Variants in PHGDH observed in about 807,000 individuals in gnomAD.
PHGDH encodes phosphoglycerate dehydrogenase.
Under a neutral mutation model 52.6 loss-of-function variants are expected in PHGDH, and 50 were observed. The ratio of observed to expected loss-of-function variants is 0.95; its 90% CI spans 0.76 to 1.20. The LOEUF (loss-of-function observed/expected upper bound fraction) is 1.20. PHGDH is among the 50% of genes most tolerant of loss of function. The probability of loss-of-function intolerance (pLI) is 0.00; values close to 1 mark genes in which losing one functional copy is unlikely to be tolerated. For synonymous variants in PHGDH, 271 were observed against 280.5 expected (o/e 0.97, Z 0.34); for missense variants, 630 against 684.6 (o/e 0.92, Z 0.89).
intron 3 of PHGDH, among the ~76,000 whole-genome samples, chr1:119,726,177 A>AGTGT (rs1651401360): frequency 8.9e-6 from 1 of 112,302 alleles, no homozygotes; most frequent in Non-Finnish European, 1.8e-5. Context: ...CAGGCTGTGA[A>AGTGT]GAGTGTGTGT....
chr1:119,741,787 G>A lies in PHGDH; in HGVS notation c.1099G>A (p.Gly367Arg), dbSNP rs2101220799. ...CCCAGGAACATCCCTGAAGAATGCTGGGAACTGCCTAAGCCCCGCAGTCAT... is the reference window on the plus strand; with the variant it reads ...CCCAGGAACATCCCTGAAGAATGCTAGGAACTGCCTAAGCCCCGCAGTCAT... Reference protein sequence around the residue: ...ITQGTSLKNAGNCLSPAVIVG... With the variant: ...ITQGTSLKNARNCLSPAVIVG... Residue 367 changes from glycine (G) to arginine (R), a missense_variant, in exon 10 of 12, where the codon GGG (glycine) becomes AGG (arginine). Coordinates refer to ENST00000641023, the MANE Select transcript of PHGDH (RefSeq NM_006623.4). The A allele has an allele frequency of 6.2e-7, 1 of 1,613,574 alleles. No homozygotes were observed.
intron 5 of PHGDH, chr1:119,727,515 C>T: frequency 3.5e-6 from 1 of 281,946 alleles, no homozygotes; most frequent in Admixed American, 4.9e-5. Context: ...AGAGAGAATT[C>T]AGGGTGGGCT....
rs991979614 is a variant in PHGDH at position 119,721,204 on chromosome 1, A to G, written c.173A>G (p.Lys58Arg). ...CEGLIVRSAT[K>R]VTADVINAAE... is the part of the protein sequence containing the mutation. The stretch of plus-strand genomic sequence containing the variant: ...GGCCTTATTGTTCGCTCTGCCACCA[A>G]GGTGACCGCTGATGTCATCAACGCA... Residue 58 changes from lysine (K) to arginine (R), a missense_variant, in exon 2 of 12, where the codon AAG becomes AGG. Transcript: ENST00000641023. The G allele has an allele frequency of 1.2e-6, 2 of 1,614,050 alleles. No individual in the cohort carries two copies. Among genetic ancestry groups the G allele is most frequent in the African/African-American group, 1.3e-5 (1 of 74,918 alleles).
intron 1 of PHGDH, among the ~76,000 whole-genome samples, chr1:119,717,992 T>C (rs1651004250): frequency 6.6e-6 from 1 of 152,208 alleles, no homozygotes; most frequent in Admixed American, 6.5e-5. Context: ...AACACTTCAT[T>C]GTGAAGTATC....
chr1:119,721,271 G>T lies in PHGDH; in HGVS notation c.240G>T (p.Val80=), dbSNP rs1232918316. The T allele has an allele frequency of 2.2e-5, 35 of 1,614,150 alleles. No individual in the cohort carries two copies. The highest frequency in any genetic ancestry group is 2.8e-5 in the Non-Finnish European group (33 of 1,180,030). The change falls in exon 2 of 12, where the codon GTG becomes GTT. Residue 80 remains valine, a synonymous_variant. Coordinates refer to ENST00000641023, the MANE Select transcript of PHGDH (RefSeq NM_006623.4). Reference sequence around the variant, plus strand: ...TGGTGGGCAGGGCTGGCACAGGTGTGGACAATGTGGATCTGGAGGCCGCAA... The same window carrying T: ...TGGTGGGCAGGGCTGGCACAGGTGTTGACAATGTGGATCTGGAGGCCGCAA... ...LQVVGRAGTG[V]DNVDLEAATR...
rs587671349 is a variant in PHGDH at position 119,736,813 on chromosome 1, C to T, written c.793-301C>T. On this transcript the variant is annotated intron_variant, in intron 7 of 11. Coordinates refer to ENST00000641023, the MANE Select transcript of PHGDH (RefSeq NM_006623.4). ...AATGTTATGAGGGAGATAGGATCAA[C>T]CCATTTCACAGATAAAGAAACTGAG... 5.9e-5 allele frequency among the ~76,000 whole-genome samples: 9 copies of T among 152,328 alleles called. 1 individual carries two copies. In the South Asian group the frequency reaches 1.9e-3, roughly 32 times the overall value.
chr1:119,722,251 T>C (rs1651201222), intron 2 of PHGDH, among the ~76,000 whole-genome samples: 1 of 152,130 alleles, frequency 6.6e-6, no homozygotes, highest in Non-Finnish European at 1.5e-5. Context: ...AGAAGCCAGG[T>C]GGTTTTGCAG....
At chr1:119,730,140 T>C (rs910246769) in intron 5 of PHGDH, 3 of 152,196 alleles carry the variant, frequency 2.0e-5, no homozygotes, top group Non-Finnish European at 4.4e-5. Flanking sequence ...TCATCAGTTC[T>C]ACCGGTCTTG....
chr1:119,718,760 G>T (rs1651031962), intron 1 of PHGDH, among the ~76,000 whole-genome samples: 1 of 152,210 alleles, frequency 6.6e-6, no homozygotes, highest in Admixed American at 6.5e-5. Flanking sequence ...TTATGTGCTG[G>T]TGAGGCTGGT....
intron 6 of PHGDH, chr1:119,735,070 G>T: frequency 1.5e-6 from 1 of 662,856 alleles, no homozygotes; most frequent in Non-Finnish European, 2.6e-6. Context: ...AATATCTCAA[G>T]AATTTCTAAG....
intron 11 of PHGDH, 72 bp from the exon 12 acceptor site, chr1:119,743,814 G>C (rs1020784714): frequency 1.7e-5 from 20 of 1,185,128 alleles, no homozygotes; most frequent in Non-Finnish European, 2.5e-5. Context: ...TTGAACTTCT[G>C]ATTCTGCTCC....
intron 10 of PHGDH, chr1:119,742,533 T>C (rs1042473111): frequency 5.2e-6 from 3 of 576,514 alleles, no homozygotes; most frequent in Non-Finnish European, 9.3e-6. Context: ...CCTGCCTCCC[T>C]GCTTTTCTTT....
intron 8 of PHGDH, among the ~76,000 whole-genome samples, chr1:119,739,260 G>C (rs1489925999): frequency 6.6e-6 from 1 of 152,160 alleles, no homozygotes; most frequent in East Asian, 1.9e-4. Flanking sequence ...AGAGAGATGT[G>C]CCGAGGTGCC....
rs148345994 is a variant in PHGDH at position 119,726,979 on chromosome 1, T to G, written c.412-25T>G. 2.7e-4 allele frequency: 440 copies of G among 1,609,146 alleles called. 2 individuals are homozygous for G. The African/African-American group carries it at 5.2e-3, about 19-fold the overall frequency. On this transcript the variant is annotated intron_variant, in intron 4 of 11. Transcript: ENST00000641023. ...CACTCATGTTGCTGACTTCAGCTTC[T>G]TTCCTTTTGCCTGTTTGGTTGCAGT... is the stretch of plus-strand genomic sequence containing the variant.
chr1:119,721,574 C>A (rs767747133), intron 2 of PHGDH: 147 of 471,086 alleles, frequency 3.1e-4, no homozygotes, highest in Non-Finnish European at 4.8e-4. Flanking sequence ...TTGAGAGTCC[C>A]TGCATAATCT....
At chr1:119,724,469 G>T (rs935850633) in intron 3 of PHGDH, 7 of 331,230 alleles carry the variant, frequency 2.1e-5, no homozygotes, top group South Asian at 1.8e-4. Context: ...GATATTCACT[G>T]GTAGGTGAAA....
chr1:119,740,082 C>A, intron 8 of PHGDH: 1 of 417,274 alleles, frequency 2.4e-6, no homozygotes, highest in Non-Finnish European at 4.5e-6. Flanking sequence ...TGTCCAATCC[C>A]TTCCCCAGTG....
intron 1 of PHGDH, among the ~76,000 whole-genome samples, chr1:119,718,625 C>T (rs1651026554): frequency 6.6e-6 from 1 of 152,182 alleles, no homozygotes; most frequent in South Asian, 2.1e-4. Flanking sequence ...GGTTACCTCT[C>T]AAAGCCTCTG....
intron 5 of PHGDH, among the ~76,000 whole-genome samples, chr1:119,733,221 C>G (rs1651778159): frequency 6.6e-6 from 1 of 152,152 alleles, no homozygotes; most frequent in Non-Finnish European, 1.5e-5. Context: ...CCTTATTCCA[C>G]AAGGCTAATG....
Sources: gnomAD v4.1 joint callset for allele counts (sites outside exome capture counted in the v4.1 genomes callset) on GRCh38, gnomAD v4.1.1 for gene constraint, MANE v1.5 for transcripts, NCBI Gene and HGNC (gene_info 2026-07-23, HGNC 2026-07-21) for gene names.